Variants in SEMA3A observed in about 807,000 individuals in gnomAD.
The protein encoded by SEMA3A is semaphorin 3A, also known as semaphorin-3A.
SEMA3A carries 29 observed loss-of-function variants against 97.9 expected under a neutral mutation model. The observed-to-expected ratio is 0.30, with a 90% CI of 0.22 to 0.40. SEMA3A has a LOEUF of 0.40. SEMA3A is among the 10% of genes least tolerant of loss of function. The probability of loss-of-function intolerance (pLI) is 1.00; values close to 1 mark genes in which losing one functional copy is unlikely to be tolerated. For synonymous variants in SEMA3A, 321 were observed against 323.7 expected (o/e 0.99, Z 0.09); for missense variants, 763 against 951.3 (o/e 0.80, Z 2.60).
chr7:84,369,103 A>G (rs1267612011), intron 2 of SEMA3A, among the ~76,000 whole-genome samples: 1 of 151,094 alleles, frequency 6.6e-6, no homozygotes, highest in Non-Finnish European at 1.5e-5. Flanking sequence ...GTGGAAATCA[A>G]AAATATAGAG....
intron 12 of SEMA3A, among the ~76,000 whole-genome samples, chr7:83,991,757 T>A (rs1195454057): frequency 6.8e-6 from 1 of 146,124 alleles, no homozygotes; most frequent in East Asian, 2.1e-4. Flanking sequence ...TCAATGTTCA[T>A]CAAGGATATT....
At chr7:84,063,894 A>G (rs572870829) in intron 4 of SEMA3A, among the ~76,000 whole-genome samples, 2 of 150,420 alleles carry the variant, frequency 1.3e-5, no homozygotes, top group African/African-American at 5.0e-5. Flanking sequence ...GCAAGCCAAC[A>G]TTGAGATTCA....
At chr7:84,177,237 G>A (rs1184452479) in intron 1 of SEMA3A, among the ~76,000 whole-genome samples, 1 of 152,018 alleles carries the variant, frequency 6.6e-6, no homozygotes, top group Non-Finnish European at 1.5e-5. Context: ...AGCTGGTATG[G>A]CTCATGAAGT....
At chr7:84,215,396 C>T (rs914142782) in intron 3 of SEMA3A, among the ~76,000 whole-genome samples, 14 of 144,678 alleles carry the variant, frequency 9.7e-5, no homozygotes, top group Non-Finnish European at 9.1e-5. Context: ...CCATATTGGC[C>T]AGGCTGGTCT....
intron 3 of SEMA3A, among the ~76,000 whole-genome samples, chr7:84,207,677 C>T (rs143044718): frequency 6.6e-6 from 1 of 152,146 alleles, no homozygotes; most frequent in Non-Finnish European, 1.5e-5. Flanking sequence ...GCCAAGTTCT[C>T]TGACCTATAA....
intron 16 of SEMA3A, among the ~76,000 whole-genome samples, chr7:83,962,822 A>C (rs1018500345): frequency 6.6e-6 from 1 of 152,216 alleles, no homozygotes; most frequent in African/African-American, 2.4e-5. Flanking sequence ...GTAATGGATA[A>C]AGAAAAACAG....
At chr7:84,434,697 T>G (rs925244694) in intron 1 of SEMA3A, among the ~76,000 whole-genome samples, 59 of 152,320 alleles carry the variant, frequency 3.9e-4, no homozygotes, top group African/African-American at 1.3e-3. Flanking sequence ...GATGTAAGGT[T>G]GATTCAAATT....
intron 1 of SEMA3A, among the ~76,000 whole-genome samples, chr7:84,178,458 G>A (rs1797642134): frequency 6.6e-6 from 1 of 151,780 alleles, no homozygotes. Context: ...TCCAAAAGAG[G>A]TAGATCTTTT....
intron 1 of SEMA3A, among the ~76,000 whole-genome samples, chr7:84,138,887 T>C (rs1326635454): frequency 6.6e-6 from 1 of 152,132 alleles, no homozygotes; most frequent in Non-Finnish European, 1.5e-5. Context: ...TTTTATTCAA[T>C]AGATTAAATA....
intron 5 of SEMA3A, 58 bp from the exon 6 acceptor site, chr7:84,046,501 C>G: frequency 6.3e-7 from 1 of 1,592,800 alleles, no homozygotes; most frequent in Non-Finnish European, 8.6e-7. Flanking sequence ...AAAAACAAAA[C>G]AAAACAAAAC....
At chr7:84,011,371 A>G in intron 7 of SEMA3A, 74 bp from the exon 8 acceptor site, 2 of 935,020 alleles carry the variant, frequency 2.1e-6, no homozygotes, top group South Asian at 2.9e-5. Context: ...TTTTCTTCAT[A>G]TCTTCAGACA....
chr7:84,483,217 T>C (rs1379765055), intron 1 of SEMA3A, among the ~76,000 whole-genome samples: 1 of 152,168 alleles, frequency 6.6e-6, no homozygotes, highest in Non-Finnish European at 1.5e-5. Context: ...TTTCACTTCA[T>C]GGTAATTTGA....
intron 1 of SEMA3A, among the ~76,000 whole-genome samples, chr7:84,138,697 G>A (rs1364416857): frequency 6.6e-6 from 1 of 151,970 alleles, no homozygotes; most frequent in African/African-American, 2.4e-5. Flanking sequence ...GCTTAATTTT[G>A]TCTCATTATT....
At chr7:84,327,443 AG>A (rs2115934562) in intron 2 of SEMA3A, among the ~76,000 whole-genome samples, 1 of 151,968 alleles carries the variant, frequency 6.6e-6, no homozygotes, top group East Asian at 1.9e-4. Context: ...AGGTAGGCAA[AG>A]GTAGTGGGAA....
chr7:84,063,895 T>C lies in SEMA3A; in HGVS notation c.454-3337A>G, dbSNP rs972924794. Among the ~76,000 whole-genome samples, 48 of 150,466 alleles carry C rather than the reference T, an allele frequency of 3.2e-4. No homozygotes were observed. The East Asian group carries it at 4.9e-3, about 15-fold the overall frequency. On this transcript the variant is annotated intron_variant, in intron 4 of 16. Transcript: ENST00000265362. Reference sequence around the variant, plus strand: ...CCCAATCTAGCAAGGCAAGCCAACATTGAGATTCAGGAAATACAGAGAACG... The same window carrying C: ...CCCAATCTAGCAAGGCAAGCCAACACTGAGATTCAGGAAATACAGAGAACG...
chr7:84,247,854 C>T (rs17158769), intron 3 of SEMA3A, among the ~76,000 whole-genome samples: 2,630 of 152,234 alleles, frequency 0.017, 78 homozygotes, highest in African/African-American at 0.061. Context: ...ACAGTGATGA[C>T]TCAGTGTTTA....
At chr7:84,119,574 A>G (rs1468344) in intron 3 of SEMA3A, among the ~76,000 whole-genome samples, 110,205 of 152,050 alleles carry the variant, frequency 0.72, 40,419 homozygotes, top group East Asian at 0.91. Context: ...TAAAAGGAAA[A>G]TAGTCAAAAG....
chr7:84,259,732 A>C (rs1799801515), intron 3 of SEMA3A, among the ~76,000 whole-genome samples: 1 of 151,780 alleles, frequency 6.6e-6, no homozygotes, highest in Non-Finnish European at 1.5e-5. Context: ...GTAGGAGAAA[A>C]ATTAAAGCAA....
rs574114202 is a variant in SEMA3A at position 84,127,877 on chromosome 7, A to G, written c.333+1246T>C. 1.7e-3 allele frequency among the ~76,000 whole-genome samples: 85 copies of G among 50,632 alleles called. 2 individuals carry two copies. The South Asian group carries it at 0.044, about 26-fold the overall frequency. 33.2% of individuals were successfully genotyped at this position (50,632 alleles called of 152,430 possible). A position where few individuals can be genotyped will look rare whatever the true frequency, so the allele number is the denominator to read the frequency against. The stretch of plus-strand genomic sequence containing the variant: ...GCAACACACAGAATACATTTATTCT[A>G]AATCCTTTTAAATACAGATAAAACT... On this transcript the variant is annotated intron_variant, in intron 3 of 16. Transcript: ENST00000265362.
Sources: allele counts gnomAD v4.1 joint callset (sites outside exome capture counted in the v4.1 genomes callset), GRCh38; gene constraint gnomAD v4.1.1; transcripts MANE v1.5; gene names NCBI Gene and HGNC (gene_info 2026-07-23, HGNC 2026-07-21).